Variants in PPP1R9A observed in about 807,000 individuals in gnomAD.
PPP1R9A encodes neurabin-1.
PPP1R9A carries 59 observed loss-of-function variants against 141.9 expected under a neutral mutation model. The ratio of observed to expected loss-of-function variants is 0.42; its 90% CI spans 0.34 to 0.52. PPP1R9A has a LOEUF of 0.52. PPP1R9A is among the 20% of genes least tolerant of loss of function. The pLI is 0.10. For synonymous variants in PPP1R9A, 500 were observed against 569.7 expected (o/e 0.88, Z 1.74); for missense variants, 1,444 against 1,611.9 (o/e 0.90, Z 1.78).
intron 3 of PPP1R9A, 48 bp from the exon 4 acceptor site, chr7:95,120,664 T>C (rs1563265199): frequency 1.9e-6 from 3 of 1,597,810 alleles, no homozygotes; most frequent in Non-Finnish European, 2.6e-6. Context: ...TGCAGACTAG[T>C]GTAAAACTTA....
At chr7:95,010,073 A>G (rs931910851) in intron 2 of PPP1R9A, among the ~76,000 whole-genome samples, 2 of 152,198 alleles carry the variant, frequency 1.3e-5, no homozygotes, top group African/African-American at 2.4e-5. Context: ...AAATGTTAAT[A>G]TCAAAGAGCA....
chr7:95,245,952 G>A (rs1798064968), intron 8 of PPP1R9A, among the ~76,000 whole-genome samples: 1 of 152,294 alleles, frequency 6.6e-6, no homozygotes, highest in East Asian at 1.9e-4. Flanking sequence ...AGCAGTGTGA[G>A]TGCGGCAGAA....
chr7:95,087,184 T>G lies in PPP1R9A; in HGVS notation c.1396-24075T>G, dbSNP rs76053966. ...TGTAGTTGCGCTACGATTGTGAATC[T>G]GCCTTCTGTAATAGTTTCTCACTCT... is the stretch of plus-strand genomic sequence containing the variant. On this transcript the variant is annotated intron_variant, in intron 2 of 19. Transcript: ENST00000433360. Among the ~76,000 whole-genome samples, 17 of 152,114 alleles carry G rather than the reference T, an allele frequency of 1.1e-4. 1 individual carries two copies. The East Asian group carries it at 2.1e-3, about 19-fold the overall frequency.
intron 2 of PPP1R9A, among the ~76,000 whole-genome samples, chr7:95,059,291 C>T (rs1811906316): frequency 6.6e-6 from 1 of 152,156 alleles, no homozygotes; most frequent in Non-Finnish European, 1.5e-5. Context: ...ACGTCTTCTA[C>T]CCTTCTCCTC....
chr7:95,225,869 A>G (rs369677624), intron 7 of PPP1R9A, 92 bp from the exon 8 acceptor site: 6 of 1,353,660 alleles, frequency 4.4e-6, no homozygotes, highest in South Asian at 1.5e-5. Context: ...ATTTGGGTAC[A>G]TGTCTTACTT....
chr7:95,216,186 C>T (rs941743876), intron 7 of PPP1R9A, among the ~76,000 whole-genome samples: 1 of 152,194 alleles, frequency 6.6e-6, no homozygotes, highest in Non-Finnish European at 1.5e-5. Flanking sequence ...CAGCTTTCTA[C>T]ATATGGCTAG....
intron 18 of PPP1R9A, 123 bp from the exon 19 acceptor site, chr7:95,288,413 C>T (rs931946014): frequency 2.2e-6 from 3 of 1,360,236 alleles, no homozygotes; most frequent in Non-Finnish European, 2.9e-6. Flanking sequence ...GAACCATTAG[C>T]TTATCATATT....
chr7:95,003,356 T>C (rs1317680426), intron 2 of PPP1R9A, among the ~76,000 whole-genome samples: 1 of 152,160 alleles, frequency 6.6e-6, no homozygotes, highest in Non-Finnish European at 1.5e-5. Context: ...CCGGGTTCTG[T>C]TAGTTGTTAG....
chr7:94,928,326 C>T (rs1277112865), intron 2 of PPP1R9A, among the ~76,000 whole-genome samples: 1 of 151,990 alleles, frequency 6.6e-6, no homozygotes, highest in African/African-American at 2.4e-5. Context: ...AAATGAAATG[C>T]AAACTATGGG....
intron 12 of PPP1R9A, among the ~76,000 whole-genome samples, chr7:95,262,518 G>GT (rs1174930927): frequency 6.6e-6 from 1 of 152,160 alleles, no homozygotes; most frequent in African/African-American, 2.4e-5. Flanking sequence ...ATTTCCTATA[G>GT]TTTTTTCTGA....
chr7:94,979,006 A>G (rs1327661507), intron 2 of PPP1R9A, among the ~76,000 whole-genome samples: 1 of 152,192 alleles, frequency 6.6e-6, no homozygotes, highest in African/African-American at 2.4e-5. Context: ...CATGTTGGCC[A>G]GGCTGGTCTC....
chr7:95,062,344 GA>G (rs1216210029), intron 2 of PPP1R9A, among the ~76,000 whole-genome samples: 1 of 152,032 alleles, frequency 6.6e-6, no homozygotes, highest in African/African-American at 2.4e-5. Context: ...CAGTGTGAAA[GA>G]GAACCCAAAA....
Position 95,198,393 on chromosome 7 carries a change from C to G in PPP1R9A, c.1799C>G (p.Ala600Gly), listed in dbSNP as rs1836603768. The change falls in exon 6 of 20, where the codon GCC (alanine) becomes GGC (glycine). Residue 600 changes from alanine to glycine, a missense_variant. Physicochemically the swap from Ala to Gly is moderately conservative, Grantham distance 60. Coordinates refer to ENST00000433360, the MANE Select transcript of PPP1R9A (RefSeq NM_001166160.2). ...AAACCAGGACAAGTGAGCGAGGTTG[C>G]CCAGTTGATAAGCCAGACACTGGAA... is the stretch of plus-strand genomic sequence containing the variant. ...REKPGQVSEV[A>G]QLISQTLEQE... is the part of the protein sequence containing the mutation. The G allele has an allele frequency of 3.2e-5, 52 of 1,612,804 alleles. No homozygotes were observed. The highest frequency in any genetic ancestry group is 4.4e-5 in the Non-Finnish European group (52 of 1,179,482).
chr7:94,938,959 G>GT (rs1046949239), intron 2 of PPP1R9A, among the ~76,000 whole-genome samples: 24 of 152,134 alleles, frequency 1.6e-4, no homozygotes, highest in Admixed American at 8.5e-4. Context: ...GATAAATGGT[G>GT]TTTTTTCCCT....
chr7:95,256,042 A>G (rs1799537678), intron 12 of PPP1R9A, among the ~76,000 whole-genome samples: 3 of 152,076 alleles, frequency 2.0e-5, no homozygotes, highest in South Asian at 2.1e-4. Context: ...GTAATACTGC[A>G]TGTTATCTTC....
intron 2 of PPP1R9A, among the ~76,000 whole-genome samples, chr7:94,918,439 G>A (rs1328673679): frequency 6.6e-6 from 1 of 151,778 alleles, no homozygotes; most frequent in South Asian, 2.1e-4. Flanking sequence ...GTGTAGGGAG[G>A]TGGTGCACTC....
At chr7:95,002,176 C>T (rs1803029635) in intron 2 of PPP1R9A, among the ~76,000 whole-genome samples, 1 of 152,162 alleles carries the variant, frequency 6.6e-6, no homozygotes, top group Admixed American at 6.5e-5. Context: ...GAGGCCATTT[C>T]ATGTTCAAAA....
rs367826153 is a variant in PPP1R9A, at chr7:95,269,261, G to T, written c.2878G>T (p.Gly960Cys). ...TATTACCAAATTACTTCCACCTAAG[G>T]GTTTGAGAACGTCTTCTCCAGAATC... ...MHITKLLPPK[G>C]LRTSSPESDS... Residue 960 changes from glycine (G) to cysteine (C), a missense_variant, in exon 14 of 20, where the codon GGT becomes TGT. Gly to Cys is a radical substitution (Grantham distance 159). This residue lies in a region of PPP1R9A where 459 missense variants were observed against 513.8 expected (regional missense o/e 0.89). Transcript: ENST00000433360. 1.3e-6 allele frequency: 2 copies of T among 1,573,996 alleles called. No homozygotes were observed. Among genetic ancestry groups the T allele is most frequent in the Non-Finnish European group, 8.6e-7 (1 of 1,157,074 alleles).
intron 6 of PPP1R9A, among the ~76,000 whole-genome samples, chr7:95,202,142 G>T (rs988663605): frequency 6.6e-6 from 1 of 152,100 alleles, no homozygotes; most frequent in Admixed American, 6.5e-5. Flanking sequence ...TATTGCTTAT[G>T]CTTAGACATA....
Sources: gnomAD v4.1 joint callset for allele counts (sites outside exome capture counted in the v4.1 genomes callset) on GRCh38, gnomAD v4.1.1 for gene constraint, gnomAD v4.1.1 regional missense constraint, MANE v1.5 for transcripts, NCBI Gene and HGNC (gene_info 2026-07-23, HGNC 2026-07-21) for gene names.